The following THOC1 variants were observed in gnomAD, a reference collection of about 807,000 sequenced individuals.
THOC1 encodes the protein THO complex subunit 1, also known as THO complex 1.
Under a neutral mutation model 97.3 loss-of-function variants are expected in THOC1, and 29 were observed. The ratio of observed to expected loss-of-function variants is 0.30; its 90% CI spans 0.22 to 0.41. THOC1 has a LOEUF of 0.41. Ranked by LOEUF, THOC1 falls within the 10% of genes least tolerant of loss-of-function variation. The probability of loss-of-function intolerance (pLI) is 1.00; values close to 1 mark genes in which losing one functional copy is unlikely to be tolerated. For missense variants in THOC1, 529 were observed against 761.9 expected (o/e 0.69, Z 3.60); for synonymous variants, 255 against 257.0 (o/e 0.99, Z 0.07).
At chr18:230,409 T>C (rs1488327610) in intron 11 of THOC1, among the ~76,000 whole-genome samples, 4 of 152,238 alleles carry the variant, frequency 2.6e-5, no homozygotes, top group Non-Finnish European at 5.9e-5. Flanking sequence ...TGATGCTTAC[T>C]AGCTGTTCAT....
At chr18:256,237 G>A (rs532728999) in intron 7 of THOC1, among the ~76,000 whole-genome samples, 2 of 152,246 alleles carry the variant, frequency 1.3e-5, no homozygotes, top group South Asian at 4.1e-4. Context: ...CAAAGTAAAT[G>A]GAACTCCTTC....
intron 1 of THOC1, among the ~76,000 whole-genome samples, chr18:265,812 A>G (rs1055929870): frequency 7.2e-5 from 11 of 152,272 alleles, no homozygotes; most frequent in Admixed American, 7.2e-4. Flanking sequence ...TGCTTACAAA[A>G]AAAAAAAATC....
At chr18:235,798 T>C (rs1260347614) in intron 11 of THOC1, among the ~76,000 whole-genome samples, 1 of 152,218 alleles carries the variant, frequency 6.6e-6, no homozygotes, top group Non-Finnish European at 1.5e-5. Context: ...GTTCCACGTA[T>C]ACACAAAAAG....
chr18:247,828 A>C, intron 10 of THOC1, 21 bp downstream of exon 10: 2 of 1,428,688 alleles, frequency 1.4e-6, no homozygotes, highest in Non-Finnish European at 2.0e-6. Context: ...GGCTTCTGAT[A>C]GTCTGTCAAT....
intron 11 of THOC1, among the ~76,000 whole-genome samples, chr18:241,376 C>A (rs929984158): frequency 6.6e-6 from 1 of 152,158 alleles, no homozygotes; most frequent in African/African-American, 2.4e-5. Flanking sequence ...TTCTTACTGC[C>A]AGGAACTTTT....
At chr18:240,081 G>C (rs1251650274) in intron 11 of THOC1, among the ~76,000 whole-genome samples, 1 of 152,172 alleles carries the variant, frequency 6.6e-6, no homozygotes, top group Admixed American at 6.5e-5. Flanking sequence ...TCTAAAATTT[G>C]TAATGGTCTT....
chr18:214,526 TA>T lies in THOC1; in HGVS notation c.*99del. 2.1e-6 allele frequency: 2 copies of T among 962,020 alleles called. No individual in the cohort carries two copies. The highest frequency in any genetic ancestry group is 3.1e-6 in the Non-Finnish European group (2 of 653,332). The allele number at this position is 962,020 out of a possible 1,614,324, so 59.6% of individuals were successfully genotyped here. On this transcript the variant is annotated 3_prime_UTR_variant, in exon 21 of 21. Coordinates refer to ENST00000261600, the MANE Select transcript of THOC1 (RefSeq NM_005131.3). ...CCAGCCGACTGTACAACAATTGTTA[TA>T]AAAATGTTTATTGTTTACCAAAACC...
At chr18:253,688 A>T (rs1370714891) in intron 8 of THOC1, among the ~76,000 whole-genome samples, 2 of 152,228 alleles carry the variant, frequency 1.3e-5, no homozygotes, top group African/African-American at 4.8e-5. Context: ...TATGATTAAC[A>T]CTATTAAAAC....
chr18:232,947 A>T (rs1301152935), intron 11 of THOC1, among the ~76,000 whole-genome samples: 3 of 151,962 alleles, frequency 2.0e-5, no homozygotes, highest in Non-Finnish European at 4.4e-5. Flanking sequence ...TTGAATACTA[A>T]TTTTTCCCGG....
intron 1 of THOC1, among the ~76,000 whole-genome samples, chr18:266,988 A>G (rs905138662): frequency 9.7e-5 from 14 of 144,050 alleles, no homozygotes; most frequent in African/African-American, 3.1e-4. Flanking sequence ...GTGTGTGTGT[A>G]TATATATATT....
intron 7 of THOC1, among the ~76,000 whole-genome samples, chr18:255,847 C>T (rs1912420382): frequency 6.6e-6 from 1 of 152,196 alleles, no homozygotes; most frequent in Non-Finnish European, 1.5e-5. Flanking sequence ...TGTTCATTTA[C>T]CATTCTGAAA....
intron 11 of THOC1, among the ~76,000 whole-genome samples, chr18:243,263 C>T (rs1216705212): frequency 2.0e-5 from 3 of 152,208 alleles, no homozygotes; most frequent in Non-Finnish European, 2.9e-5. Context: ...AAAGCAAGTT[C>T]ACAAAGAATC....
At position 214,839 on chromosome 18, in the gene THOC1, A is replaced by T; in HGVS notation, c.1761T>A (p.Ile587=). 1 of 1,613,916 alleles carries T rather than the reference A, an allele frequency of 6.2e-7. No individual in the cohort carries two copies. The highest frequency in any genetic ancestry group is 8.5e-7 in the Non-Finnish European group (1 of 1,179,846). ...FANKLGEQWK[I]LAPYLEMKDS... ...CTTTCATTTCCAAGTAGGGAGCCAG[A>T]ATCTTCCATTGTTCACCCAGCTTGT... Residue 587 remains isoleucine (I), a synonymous_variant, in exon 21 of 21, where the codon ATT becomes ATA. Transcript: ENST00000261600.
At position 215,501 on chromosome 18, in the gene THOC1, G is replaced by A. The variant is rs1194862191; in HGVS notation, c.1606C>T (p.Pro536Ser). 1.9e-6 allele frequency: 3 copies of A among 1,611,998 alleles called. No homozygotes were observed. The highest frequency in any genetic ancestry group is 1.3e-5 in the African/African-American group (1 of 74,854). Residue 536 changes from proline to serine, a missense_variant, in exon 20 of 21, where the codon CCT (proline) becomes TCT (serine). Pro to Ser is a moderately conservative substitution (Grantham distance 74). Around this residue, in one of 8 missense-constraint regions of THOC1, gnomAD observed 27 missense variants for 80.6 expected, o/e 0.33. Coordinates refer to ENST00000261600, the MANE Select transcript of THOC1 (RefSeq NM_005131.3). ...VIKLAKELPPPSEEIKTGEDE... is the reference protein window; with the variant it reads ...VIKLAKELPPSSEEIKTGEDE... Reference sequence around the variant, plus strand: ...TCACCTGTTTTTATTTCTTCAGAAGGAGGCTAAAAATGAGAAAGAAGAATG... The same window carrying A: ...TCACCTGTTTTTATTTCTTCAGAAGAAGGCTAAAAATGAGAAAGAAGAATG...
chr18:237,216 G>C (rs545293149), intron 11 of THOC1, among the ~76,000 whole-genome samples: 5 of 147,560 alleles, frequency 3.4e-5, no homozygotes, highest in African/African-American at 1.3e-4. Context: ...CTGGAGTGCA[G>C]TGGCACAATC....
Position 225,344 on chromosome 18 carries a change from A to C in THOC1, c.1079T>G (p.Val360Gly). The C allele has an allele frequency of 6.2e-7, 1 of 1,613,512 alleles. No individual in the cohort carries two copies. Among genetic ancestry groups the C allele is most frequent in the Non-Finnish European group, 8.5e-7 (1 of 1,179,708 alleles). ...SLWIEDTTKS[V>G]YQLLSENPPD... ...GTTGCGTGTTGAACTTACTTGATAA[A>C]CTGATTTTGTAGTATCTTCAATCCA... The change falls in exon 13 of 21, where the codon GTT becomes GGT. Residue 360 changes from valine (V) to glycine (G), a missense_variant. Val to Gly is a moderately radical substitution (Grantham distance 109, BLOSUM62 -3). Transcript: ENST00000261600.
chr18:263,765 T>C (rs1284952829), intron 4 of THOC1: 9 of 374,480 alleles, frequency 2.4e-5, no homozygotes, highest in Non-Finnish European at 4.4e-5. Flanking sequence ...ACCAGGCACA[T>C]AGTAGATGCT....
At chr18:234,516 C>T (rs1911604301) in intron 11 of THOC1, among the ~76,000 whole-genome samples, 1 of 152,098 alleles carries the variant, frequency 6.6e-6, no homozygotes, top group Admixed American at 6.5e-5. Flanking sequence ...CTGAGATGAT[C>T]ATACAGATCT....
At chr18:216,263 TTTAAA>T (rs766963619) in intron 19 of THOC1, 14 of 510,084 alleles carry the variant, frequency 2.7e-5, no homozygotes, top group South Asian at 1.3e-4. Flanking sequence ...CCTGTTGAAC[TTTAAA>T]TTACATGCTG....
Sources: gnomAD v4.1 joint callset for allele counts (sites outside exome capture counted in the v4.1 genomes callset) on GRCh38, gnomAD v4.1.1 for gene constraint, gnomAD v4.1.1 regional missense constraint, MANE v1.5 for transcripts, NCBI Gene and HGNC (gene_info 2026-07-23, HGNC 2026-07-21) for gene names.